The following ATF7 variants were observed in gnomAD, a reference collection of about 807,000 sequenced individuals.
The protein encoded by ATF7 is activating transcription factor 7.
ATF7 carries 10 observed loss-of-function variants against 50.4 expected under a neutral mutation model. The observed-to-expected ratio is 0.20, with a 90% CI of 0.12 to 0.34. The LOEUF (loss-of-function observed/expected upper bound fraction) is 0.34, where lower values mean the gene tolerates loss of function less well. ATF7 is among the 10% of genes least tolerant of loss of function. ATF7 has a pLI of 1.00. For synonymous variants in ATF7, 201 were observed against 226.4 expected, an observed-to-expected ratio of 0.89 and a Z score of 1.01; for missense variants, 465 against 613.9, an observed-to-expected ratio of 0.76 and a Z score of 2.56.
At chr12:53,546,389 CAGGAG>C (rs1407714327) in intron 3 of ATF7, among the ~76,000 whole-genome samples, 1 of 151,706 alleles carries the variant, frequency 6.6e-6, no homozygotes. Context: ...AAACAAAAAA[CAGGAG>C]AAAAAAGAAA....
chr12:53,542,232 T>C (rs951309234), intron 4 of ATF7, among the ~76,000 whole-genome samples: 1 of 150,512 alleles, frequency 6.6e-6, no homozygotes, highest in African/African-American at 2.4e-5. Flanking sequence ...GAGACCATCC[T>C]GGCTAACACG....
At chr12:53,612,606 A>G (rs1943935674) in intron 1 of ATF7, among the ~76,000 whole-genome samples, 1 of 152,132 alleles carries the variant, frequency 6.6e-6, no homozygotes, top group Non-Finnish European at 1.5e-5. Context: ...CTAAGACTAC[A>G]GTTCTCAAAG....
chr12:53,523,427 T>G, intron 10 of ATF7, 43 bp from the exon 11 acceptor site: 1 of 1,408,640 alleles, frequency 7.1e-7, no homozygotes. Context: ...AAATTCATCC[T>G]CTACTCTTGC....
At chr12:53,541,888 C>T (rs771193451) in intron 4 of ATF7, among the ~76,000 whole-genome samples, 70 of 152,244 alleles carry the variant, frequency 4.6e-4, no homozygotes, top group Middle Eastern at 6.8e-3. Context: ...GTGGCATGAT[C>T]TCAGCTCACT....
At chr12:53,620,515 G>C (rs1944333318) in intron 1 of ATF7, among the ~76,000 whole-genome samples, 3 of 144,742 alleles carry the variant, frequency 2.1e-5, no homozygotes, top group African/African-American at 7.7e-5. Flanking sequence ...GGCGGAGCTT[G>C]CAGTGAGCCG....
chr12:53,617,067 G>C (rs1388390275), intron 1 of ATF7, among the ~76,000 whole-genome samples: 3 of 152,106 alleles, frequency 2.0e-5, no homozygotes, highest in Non-Finnish European at 4.4e-5. Flanking sequence ...TTGTTGCCCA[G>C]GCTGGAGTGC....
rs1302149255 is a variant in ATF7 at position 53,593,005 on chromosome 12, C to G, written c.48+7948G>C. Among the ~76,000 whole-genome samples the G allele has an allele frequency of 3.3e-5, 5 of 152,206 alleles. No individual in the cohort carries two copies. The East Asian group carries it at 9.6e-4, about 29-fold the overall frequency. On this transcript the variant is annotated intron_variant, in intron 2 of 11. Coordinates refer to ENST00000420353, the MANE Select transcript of ATF7 (RefSeq NM_006856.3). ...ATGTCGACTAGCACTGTAATTCTTT[C>G]AGAAAGGTTTATCATTTGGTTATAA...
intron 2 of ATF7, among the ~76,000 whole-genome samples, chr12:53,580,430 C>T (rs1252289708): frequency 2.0e-5 from 3 of 150,274 alleles, no homozygotes; most frequent in Non-Finnish European, 4.4e-5. Flanking sequence ...TTTGGGAGGC[C>T]AAGGCGGGTA....
intron 1 of ATF7, among the ~76,000 whole-genome samples, chr12:53,601,749 T>C (rs1943418000): frequency 6.6e-6 from 1 of 152,176 alleles, no homozygotes; most frequent in Non-Finnish European, 1.5e-5. Flanking sequence ...TGGGTGAACA[T>C]GTTCCGGCTG....
chr12:53,518,898 C>A (rs1419251569), intron 11 of ATF7, among the ~76,000 whole-genome samples: 1 of 150,338 alleles, frequency 6.7e-6, no homozygotes, highest in Non-Finnish European at 1.5e-5. Context: ...AAAAAAAAAC[C>A]AAAAAATTAG....
At chr12:53,602,272 C>T (rs1943435917) in intron 1 of ATF7, among the ~76,000 whole-genome samples, 2 of 152,144 alleles carry the variant, frequency 1.3e-5, no homozygotes, top group African/African-American at 4.8e-5. Context: ...GAACTGTAAC[C>T]AAATTTCAAA....
intron 1 of ATF7, among the ~76,000 whole-genome samples, chr12:53,617,085 C>T (rs1944164562): frequency 6.6e-6 from 1 of 151,998 alleles, no homozygotes; most frequent in Non-Finnish European, 1.5e-5. Flanking sequence ...TGCAGTGCTG[C>T]AACCTGGGCT....
intron 9 of ATF7, among the ~76,000 whole-genome samples, chr12:53,530,507 C>T (rs569386116): frequency 6.6e-6 from 1 of 151,990 alleles, no homozygotes; most frequent in African/African-American, 2.4e-5. Flanking sequence ...ATTTTAGTTT[C>T]TTTGTGATAA....
rs139260566 is a variant in ATF7, at chr12:53,568,789, A to G, written c.49-16152T>C. On this transcript the variant is annotated intron_variant, in intron 2 of 11. Transcript: ENST00000420353. The stretch of plus-strand genomic sequence containing the variant: ...AATTTTGGATGTTTACTTTCTAACC[A>G]TAAGTGATATTTTTTAGAATGCTGG... Among the ~76,000 whole-genome samples, 692 of 152,314 alleles carry G rather than the reference A, an allele frequency of 4.5e-3. 5 individuals are homozygous for G. Among genetic ancestry groups the G allele is most frequent in the African/African-American group, 0.016 (645 of 41,558 alleles).
chr12:53,526,383 C>T (rs775606675), intron 9 of ATF7, among the ~76,000 whole-genome samples: 7 of 151,752 alleles, frequency 4.6e-5, no homozygotes, highest in Non-Finnish European at 8.8e-5. Flanking sequence ...TATGATACTC[C>T]ACTTCTATTT....
chr12:53,537,871 C>A lies in ATF7; in HGVS notation c.265-319G>T, dbSNP rs377241696. Among the ~76,000 whole-genome samples the A allele has an allele frequency of 5.9e-5, 9 of 152,184 alleles. 1 individual carries two copies. Among genetic ancestry groups the A allele is most frequent in the East Asian group, 3.9e-4 (2 of 5,172 alleles). The stretch of plus-strand genomic sequence containing the variant: ...GGGATTATAGGCATGTGCCACCACG[C>A]CCAGCTAATTTTTTATTTTTAATAG... On this transcript the variant is annotated intron_variant, in intron 4 of 11. Coordinates refer to ENST00000420353, the MANE Select transcript of ATF7 (RefSeq NM_006856.3).
rs143477438 is a variant in ATF7, at chr12:53,583,640, C to A, written c.48+17313G>T. On this transcript the variant is annotated intron_variant, in intron 2 of 11. Transcript: ENST00000420353. ...ACTGACCTAGATGACTTTTGTATGG[C>A]GATGACTTTTTAAATACAACACCAA... is the stretch of plus-strand genomic sequence containing the variant. Among the ~76,000 whole-genome samples the A allele has an allele frequency of 2.2e-3, 337 of 152,110 alleles. 2 individuals are homozygous for A. The highest frequency in any genetic ancestry group is 7.8e-3 in the African/African-American group (325 of 41,488).
rs184096040 is a variant in ATF7, at chr12:53,588,747, C to G, written c.48+12206G>C. 7.7e-4 allele frequency among the ~76,000 whole-genome samples: 117 copies of G among 152,278 alleles called. 1 individual carries two copies. In the Middle Eastern group the frequency reaches 0.017, roughly 22 times the overall value. The stretch of plus-strand genomic sequence containing the variant: ...GGTCCCAGGTTTCTTGTTCTGTCTA[C>G]GTTTCTGGTTGGCCAAAAATTAATT... On this transcript the variant is annotated intron_variant, in intron 2 of 11. Transcript: ENST00000420353.
Position 53,516,885 on chromosome 12 carries a change from G to T in ATF7, c.*252C>A. On this transcript the variant is annotated 3_prime_UTR_variant, in exon 12 of 12. Coordinates refer to ENST00000420353, the MANE Select transcript of ATF7 (RefSeq NM_006856.3). Reference sequence around the variant, plus strand: ...TTCGGACCATCTGGAAAGGCCTTTGGCTGTGGATGCATCAGAAACCCCACC... The same window carrying T: ...TTCGGACCATCTGGAAAGGCCTTTGTCTGTGGATGCATCAGAAACCCCACC... 1 of 546,162 alleles carries T rather than the reference G, an allele frequency of 1.8e-6. No homozygotes were observed. Among genetic ancestry groups the T allele is most frequent in the South Asian group, 2.1e-5 (1 of 48,672 alleles). 33.8% of individuals were successfully genotyped at this position (546,162 alleles called of 1,614,324 possible). A position where few individuals can be genotyped will look rare whatever the true frequency, so the allele number is the denominator to read the frequency against.
Sources: gnomAD v4.1 joint callset for allele counts (sites outside exome capture counted in the v4.1 genomes callset) on GRCh38, gnomAD v4.1.1 for gene constraint, MANE v1.5 for transcripts, NCBI Gene and HGNC (gene_info 2026-07-23, HGNC 2026-07-21) for gene names.